The following SGCZ variants were observed in gnomAD, a reference collection of about 807,000 sequenced individuals.
SGCZ encodes the protein zeta-sarcoglycan.
Under a neutral mutation model 41.3 loss-of-function variants are expected in SGCZ, and 40 were observed. That is an observed-to-expected ratio of 0.97 (90% CI 0.75 to 1.26). The LOEUF (loss-of-function observed/expected upper bound fraction) is 1.26. Among genes scored for constraint, SGCZ ranks in the 50% most tolerant of loss-of-function variants. The pLI is 0.00. For missense variants in SGCZ, 552 were observed against 369.8 expected (o/e 1.49, Z -4.04); for synonymous variants, 206 against 137.5 (o/e 1.50, Z -3.49).
chr8:15,229,271 A>G (rs1172655644), intron 1 of SGCZ, among the ~76,000 whole-genome samples: 1 of 152,206 alleles, frequency 6.6e-6, no homozygotes, highest in African/African-American at 2.4e-5. Flanking sequence ...GAAACATGAA[A>G]ATAATTAAGA....
intron 1 of SGCZ, among the ~76,000 whole-genome samples, chr8:14,556,010 C>A (rs1391751557): frequency 3.3e-5 from 5 of 151,856 alleles, no homozygotes; most frequent in African/African-American, 1.2e-4. Context: ...AGATGATATT[C>A]TTTGATAATG....
chr8:14,418,345 C>T (rs1349453829), intron 2 of SGCZ, among the ~76,000 whole-genome samples: 1 of 151,760 alleles, frequency 6.6e-6, no homozygotes, highest in Admixed American at 6.6e-5. Context: ...CTCCTTAAAG[C>T]ATTAGTTTTA....
At chr8:14,674,928 GTTTTTTTTTTTTTTTTT>G (rs201881681) in intron 1 of SGCZ, among the ~76,000 whole-genome samples, 1 of 70,998 alleles carries the variant, frequency 1.4e-5, no homozygotes, top group Non-Finnish European at 2.7e-5. Context: ...TTTCTTTTCT[GTTTTTTTTTTTTTTTTT>G]TTTTTTTTTT....
intron 1 of SGCZ, among the ~76,000 whole-genome samples, chr8:14,707,681 C>A (rs973088737): frequency 7.9e-5 from 12 of 152,024 alleles, no homozygotes; most frequent in African/African-American, 2.9e-4. Context: ...AAACTCTAGC[C>A]ATTACACAGC....
chr8:14,922,598 C>G (rs1799623190), intron 1 of SGCZ, among the ~76,000 whole-genome samples: 1 of 152,036 alleles, frequency 6.6e-6, no homozygotes, highest in Non-Finnish European at 1.5e-5. Context: ...TAATCCTAAA[C>G]TATATTCCTA....
chr8:14,321,878 T>C (rs895802657), intron 3 of SGCZ, among the ~76,000 whole-genome samples: 2 of 152,116 alleles, frequency 1.3e-5, no homozygotes, highest in African/African-American at 4.8e-5. Context: ...AATGTTTGTG[T>C]TCTTCCTTAA....
chr8:14,500,868 C>CA (rs1454199498), intron 2 of SGCZ, among the ~76,000 whole-genome samples: 2 of 151,408 alleles, frequency 1.3e-5, no homozygotes, highest in African/African-American at 4.8e-5. Flanking sequence ...TTCTCAAAGA[C>CA]AAAAAGTAGT....
intron 1 of SGCZ, among the ~76,000 whole-genome samples, chr8:14,876,390 G>A (rs986785553): frequency 6.6e-6 from 1 of 152,122 alleles, no homozygotes; most frequent in Non-Finnish European, 1.5e-5. Context: ...TATCAACTTT[G>A]AGAAAGACAA....
chr8:14,397,265 G>T (rs1798945470), intron 2 of SGCZ, among the ~76,000 whole-genome samples: 2 of 152,060 alleles, frequency 1.3e-5, no homozygotes, highest in Non-Finnish European at 1.5e-5. Flanking sequence ...TTTGATAAAA[G>T]TTAAGGATGT....
chr8:14,993,067 T>C (rs78560740), intron 1 of SGCZ, among the ~76,000 whole-genome samples: 2,031 of 152,190 alleles, frequency 0.013, 50 homozygotes, highest in African/African-American at 0.047. Flanking sequence ...CTAGTGTTAA[T>C]CTTTATATTT....
chr8:14,825,780 C>T (rs112089203), intron 1 of SGCZ, among the ~76,000 whole-genome samples: 1 of 152,156 alleles, frequency 6.6e-6, no homozygotes. Flanking sequence ...TAAGATTCCA[C>T]ATGTAAGTGA....
intron 4 of SGCZ, among the ~76,000 whole-genome samples, chr8:14,235,710 A>G (rs1046309333): frequency 2.0e-4 from 30 of 152,090 alleles, no homozygotes; most frequent in African/African-American, 7.2e-4. Flanking sequence ...TTTGAGACAG[A>G]GTCTCACTCT....
chr8:15,123,218 C>A (rs1807554388), intron 1 of SGCZ, among the ~76,000 whole-genome samples: 1 of 152,118 alleles, frequency 6.6e-6, no homozygotes, highest in Non-Finnish European at 1.5e-5. Flanking sequence ...TTTCCAGGAG[C>A]ATGCTTCAAA....
chr8:14,728,808 G>A (rs1393492772), intron 1 of SGCZ, among the ~76,000 whole-genome samples: 2 of 152,150 alleles, frequency 1.3e-5, no homozygotes, highest in Non-Finnish European at 2.9e-5. Context: ...ATGAAACAAA[G>A]TTGAATGCGT....
At chr8:14,342,892 C>G (rs921563581) in intron 2 of SGCZ, among the ~76,000 whole-genome samples, 17 of 152,182 alleles carry the variant, frequency 1.1e-4, no homozygotes, top group Non-Finnish European at 1.5e-4. Flanking sequence ...TCTTCACAGG[C>G]CTGGAGGCCC....
chr8:14,370,541 C>T (rs73664329), intron 2 of SGCZ, among the ~76,000 whole-genome samples: 10,484 of 151,730 alleles, frequency 0.069, 1,082 homozygotes, highest in African/African-American at 0.22. Context: ...AGATTTGATA[C>T]CTAAATCTTT....
chr8:15,183,342 G>A (rs1800233828), intron 1 of SGCZ, among the ~76,000 whole-genome samples: 1 of 151,470 alleles, frequency 6.6e-6, no homozygotes, highest in Non-Finnish European at 1.5e-5. Context: ...ACAAACACAT[G>A]AGAAATGTAT....
chr8:15,122,164 C>T lies in SGCZ; in HGVS notation c.39+115421G>A, dbSNP rs988621285. On this transcript the variant is annotated intron_variant, in intron 1 of 7. Transcript: ENST00000382080. ...TCTATCATATCATGGACATACTCAA[C>T]CCCAAACCCTGCAATATTCAAAGAT... Among the ~76,000 whole-genome samples, 3 of 150,800 alleles carry T rather than the reference C, an allele frequency of 2.0e-5. No homozygotes were observed. In the South Asian group the frequency reaches 6.3e-4, roughly 32 times the overall value.
At chr8:14,129,804 G>A (rs1802983378) in intron 5 of SGCZ, among the ~76,000 whole-genome samples, 1 of 151,908 alleles carries the variant, frequency 6.6e-6, no homozygotes, top group Non-Finnish European at 1.5e-5. Flanking sequence ...CCAAACCACT[G>A]AAAATGACAA....
Sources: gnomAD v4.1 joint callset for allele counts (sites outside exome capture counted in the v4.1 genomes callset) on GRCh38, gnomAD v4.1.1 for gene constraint, MANE v1.5 for transcripts, NCBI Gene and HGNC (gene_info 2026-07-23, HGNC 2026-07-21) for gene names.